Variants in GARNL3 observed in about 807,000 individuals in gnomAD.
GARNL3 encodes the protein GTPase-activating Rap/Ran-GAP domain-like protein 3.
GARNL3 carries 63 observed loss-of-function variants against 125.0 expected under a neutral mutation model. That is an observed-to-expected ratio of 0.50 (90% confidence interval 0.41 to 0.62). GARNL3 has a LOEUF of 0.62. GARNL3 is among the 20% of genes least tolerant of loss of function. The pLI is 0.00. For missense variants in GARNL3, 994 were observed against 1,244.0 expected (o/e 0.80, Z 3.02); for synonymous variants, 439 against 457.5 (o/e 0.96, Z 0.52).
chr9:127,320,894 T>C (rs2131512925), intron 6 of GARNL3, 116 bp downstream of exon 6: 1 of 677,306 alleles, frequency 1.5e-6, no homozygotes, highest in East Asian at 2.8e-5. Context: ...CCTATGCAAC[T>C]TTAAAAAAAT....
intron 21 of GARNL3, chr9:127,362,553 G>A (rs926588700): frequency 2.0e-5 from 3 of 152,280 alleles, no homozygotes; most frequent in Non-Finnish European, 4.4e-5. Context: ...GGTAGCACTC[G>A]GCCCCTCCCG....
At chr9:127,373,867 A>T (rs1006219182) in intron 22 of GARNL3, among the ~76,000 whole-genome samples, 2 of 152,162 alleles carry the variant, frequency 1.3e-5, no homozygotes, top group Non-Finnish European at 2.9e-5. Context: ...TTAGCTGGGC[A>T]TGGTAGTGCA....
intron 1 of GARNL3, among the ~76,000 whole-genome samples, chr9:127,273,275 C>T (rs1243460295): frequency 6.6e-6 from 1 of 152,200 alleles, no homozygotes; most frequent in Non-Finnish European, 1.5e-5. Flanking sequence ...CGCTTAATCT[C>T]TTCGCCTGCA....
intron 22 of GARNL3, among the ~76,000 whole-genome samples, chr9:127,365,762 G>A (rs1831254567): frequency 6.6e-6 from 1 of 152,202 alleles, no homozygotes; most frequent in African/African-American, 2.4e-5. Flanking sequence ...GCCTAGAGAG[G>A]TGAACTCGTC....
intron 3 of GARNL3, among the ~76,000 whole-genome samples, chr9:127,312,765 T>G (rs1442816480): frequency 6.6e-6 from 1 of 152,052 alleles, no homozygotes; most frequent in Non-Finnish European, 1.5e-5. Flanking sequence ...TATTGGTGTG[T>G]GGGGGATACA....
At chr9:127,274,169 G>A (rs2063894478) in intron 1 of GARNL3, among the ~76,000 whole-genome samples, 1 of 152,126 alleles carries the variant, frequency 6.6e-6, no homozygotes, top group South Asian at 2.1e-4. Flanking sequence ...TTTGATGCTT[G>A]TCTCCTCCCT....
At position 127,390,651 on chromosome 9, in the gene GARNL3, T is replaced by C; in HGVS notation, c.2754T>C (p.Asp918=). The part of the protein sequence containing the change: ...RTRRELLGLS[D]EGGPKSEGAP... Reference sequence around the variant, plus strand: ...TGATTCTCAATCCAGGCCTCTCGGATGAAGGTGGACCCAAGTCAGAAGGAG... The same window carrying C: ...TGATTCTCAATCCAGGCCTCTCGGACGAAGGTGGACCCAAGTCAGAAGGAG... Residue 918 remains aspartate, a synonymous_variant, in exon 27 of 28, where the codon GAT becomes GAC. Coordinates refer to ENST00000373387, the MANE Select transcript of GARNL3 (RefSeq NM_032293.5). The C allele has an allele frequency of 6.2e-7, 1 of 1,613,814 alleles. No homozygotes were observed. The highest frequency in any genetic ancestry group is 8.5e-7 in the Non-Finnish European group (1 of 1,179,860).
chr9:127,299,601 C>T (rs1438472951), intron 2 of GARNL3, among the ~76,000 whole-genome samples: 2 of 151,760 alleles, frequency 1.3e-5, no homozygotes, highest in Admixed American at 6.6e-5. Flanking sequence ...GATGGAGTCT[C>T]GCTCTGTCAC....
intron 21 of GARNL3, chr9:127,363,766 A>G (rs996435096): frequency 6.6e-6 from 1 of 152,238 alleles, no homozygotes; most frequent in South Asian, 2.1e-4. Context: ...CTGCTGCTGG[A>G]CTTGGGTTGG....
chr9:127,377,473 G>A (rs954718835), intron 22 of GARNL3, among the ~76,000 whole-genome samples: 1 of 152,076 alleles, frequency 6.6e-6, no homozygotes, highest in African/African-American at 2.4e-5. Context: ...GGTGGAGAGA[G>A]CCTTTATAAG....
At chr9:127,355,223 T>A in intron 19 of GARNL3, 74 bp from the exon 20 acceptor site, 1 of 1,275,910 alleles carries the variant, frequency 7.8e-7, no homozygotes, top group Non-Finnish European at 1.1e-6. Flanking sequence ...TCCTAGGTAT[T>A]GCCAAATTGT....
intron 1 of GARNL3, among the ~76,000 whole-genome samples, chr9:127,241,015 G>C (rs762453402): frequency 1.3e-5 from 2 of 152,196 alleles, no homozygotes; most frequent in Non-Finnish European, 2.9e-5. Flanking sequence ...ATTTTTATTT[G>C]TACTAAGTCT....
chr9:127,231,969 C>G (rs1461867417), intron 1 of GARNL3, among the ~76,000 whole-genome samples: 2 of 152,160 alleles, frequency 1.3e-5, no homozygotes, highest in Non-Finnish European at 2.9e-5. Flanking sequence ...AAAAACCAAC[C>G]CTCTGAGTAA....
intron 1 of GARNL3, chr9:127,225,402 A>G: frequency 1.0e-6 from 1 of 980,902 alleles, no homozygotes; most frequent in Non-Finnish European, 1.2e-6. Flanking sequence ...CGAGAGCCCA[A>G]GGTACTGCGG....
chr9:127,301,353 C>T (rs545869964), intron 2 of GARNL3, among the ~76,000 whole-genome samples: 2 of 152,284 alleles, frequency 1.3e-5, no homozygotes, highest in Non-Finnish European at 2.9e-5. Flanking sequence ...TATGAACCTA[C>T]AATATGCTAC....
chr9:127,360,391 C>T (rs1830927375), intron 21 of GARNL3, among the ~76,000 whole-genome samples: 2 of 152,284 alleles, frequency 1.3e-5, no homozygotes, highest in South Asian at 4.1e-4. Flanking sequence ...TCAGCGTGTA[C>T]AGCCCTCCCG....
chr9:127,254,807 C>T (rs2063468898), intron 2 of GARNL3, among the ~76,000 whole-genome samples: 1 of 150,590 alleles, frequency 6.6e-6, no homozygotes, highest in Admixed American at 6.6e-5. Flanking sequence ...GGAAAAAGAC[C>T]AATAACATAC....
At chr9:127,383,616 T>G (rs941737759) in intron 23 of GARNL3, 71 bp downstream of exon 23, 24 of 977,164 alleles carry the variant, frequency 2.5e-5, no homozygotes, top group Admixed American at 2.2e-5. Context: ...GCAAATCCTA[T>G]GTAAGCAAAT....
At chr9:127,359,759 A>G (rs1830885233) in intron 21 of GARNL3, among the ~76,000 whole-genome samples, 1 of 152,204 alleles carries the variant, frequency 6.6e-6, no homozygotes, top group Non-Finnish European at 1.5e-5. Context: ...TATAGAGAAT[A>G]TCATTTTATT....
Sources: allele counts gnomAD v4.1 joint callset (sites outside exome capture counted in the v4.1 genomes callset), GRCh38; gene constraint gnomAD v4.1.1; transcripts MANE v1.5; gene names NCBI Gene and HGNC (gene_info 2026-07-23, HGNC 2026-07-21).